RFX3: variants seen among roughly 807,000 people sequenced by gnomAD.
The protein encoded by RFX3 is transcription factor RFX3.
In RFX3, 14 loss-of-function variants were observed where a neutral mutation model predicts 98.6. The observed-to-expected ratio is 0.14, with a 90% CI of 0.09 to 0.22. RFX3 has a LOEUF of 0.22. Among genes scored for constraint, RFX3 ranks in the 10% least tolerant of loss-of-function variants. The pLI, the probability that RFX3 is intolerant of heterozygous loss-of-function variation, is 1.00. For missense variants in RFX3, 639 were observed against 926.9 expected, an observed-to-expected ratio of 0.69 and a Z score of 4.03; for synonymous variants, 383 against 328.4, an observed-to-expected ratio of 1.17 and a Z score of -1.80.
intron 3 of RFX3, among the ~76,000 whole-genome samples, chr9:3,330,776 TATAA>T (rs1346373716): frequency 6.6e-6 from 1 of 152,204 alleles, no homozygotes; most frequent in African/African-American, 2.4e-5. Flanking sequence ...ATCTCCAGCA[TATAA>T]ATAAGCTCAG....
chr9:3,311,655 C>A (rs940969573), intron 4 of RFX3, among the ~76,000 whole-genome samples: 1 of 152,182 alleles, frequency 6.6e-6, no homozygotes, highest in Non-Finnish European at 1.5e-5. Context: ...GAGGCCAAGA[C>A]AGGTGGATCA....
At chr9:3,254,330 T>A (rs547496511) in intron 14 of RFX3, among the ~76,000 whole-genome samples, 1 of 149,820 alleles carries the variant, frequency 6.7e-6, no homozygotes, top group South Asian at 2.1e-4. Flanking sequence ...ACTAATAACA[T>A]AAGAAAGCAG....
chr9:3,507,802 G>C (rs1225312713), intron 1 of RFX3, among the ~76,000 whole-genome samples: 1 of 151,840 alleles, frequency 6.6e-6, no homozygotes, highest in Non-Finnish European at 1.5e-5. Flanking sequence ...TTGTTGTGTT[G>C]TTATATATTG....
At chr9:3,482,973 C>G (rs1030422723) in intron 1 of RFX3, among the ~76,000 whole-genome samples, 1 of 152,164 alleles carries the variant, frequency 6.6e-6, no homozygotes, top group African/African-American at 2.4e-5. Context: ...CTATCCACAA[C>G]CAATCTTGCT....
chr9:3,270,733 T>C (rs767347210), intron 10 of RFX3: 37 of 667,734 alleles, frequency 5.5e-5, no homozygotes, highest in Non-Finnish European at 8.5e-5. Context: ...ACATTTGTAT[T>C]TTCTGACGGT....
At chr9:3,241,196 G>A (rs960300698) in intron 15 of RFX3, among the ~76,000 whole-genome samples, 3 of 149,754 alleles carry the variant, frequency 2.0e-5, no homozygotes, top group African/African-American at 7.4e-5. Flanking sequence ...CTAAGGAGAA[G>A]GTACACTTTT....
chr9:3,405,360 G>C (rs548976811), intron 1 of RFX3, among the ~76,000 whole-genome samples: 2 of 152,216 alleles, frequency 1.3e-5, no homozygotes, highest in East Asian at 3.9e-4. Context: ...TGTAACTCTA[G>C]TCAATAATCC....
intron 1 of RFX3, among the ~76,000 whole-genome samples, chr9:3,445,860 T>C (rs1475633994): frequency 6.6e-6 from 1 of 152,178 alleles, no homozygotes; most frequent in African/African-American, 2.4e-5. Context: ...CTTCTCTGCA[T>C]GCCCTGATTT....
chr9:3,451,328 T>C (rs1182735015), intron 1 of RFX3, among the ~76,000 whole-genome samples: 1 of 152,164 alleles, frequency 6.6e-6, no homozygotes, highest in Non-Finnish European at 1.5e-5. Flanking sequence ...GGAAGTTCAC[T>C]TGAGCCCAGG....
intron 7 of RFX3, among the ~76,000 whole-genome samples, chr9:3,284,261 T>C (rs1056480758): frequency 1.3e-5 from 2 of 151,718 alleles, no homozygotes; most frequent in Non-Finnish European, 3.0e-5. Flanking sequence ...TGTGTACTTC[T>C]TTTCATTATC....
chr9:3,444,013 G>A (rs866354792), intron 1 of RFX3, among the ~76,000 whole-genome samples: 3 of 152,128 alleles, frequency 2.0e-5, no homozygotes, highest in Non-Finnish European at 4.4e-5. Context: ...CAGTTTGGGA[G>A]TTTCTTAAAA....
chr9:3,286,907 G>C (rs1826681778), intron 7 of RFX3, among the ~76,000 whole-genome samples: 1 of 151,776 alleles, frequency 6.6e-6, no homozygotes, highest in Non-Finnish European at 1.5e-5. Flanking sequence ...ACTCCTCTAA[G>C]TTCCTACTCA....
chr9:3,426,902 C>G (rs1258506899), intron 1 of RFX3, among the ~76,000 whole-genome samples: 1 of 152,078 alleles, frequency 6.6e-6, no homozygotes, highest in East Asian at 1.9e-4. Context: ...AATCATTCCT[C>G]CACCCCCTAG....
intron 2 of RFX3, among the ~76,000 whole-genome samples, chr9:3,373,931 A>G (rs1180826418): frequency 6.6e-6 from 1 of 152,120 alleles, no homozygotes; most frequent in Non-Finnish European, 1.5e-5. Flanking sequence ...ACAAAAACTT[A>G]GCCAGGAGTG....
intron 4 of RFX3, among the ~76,000 whole-genome samples, chr9:3,322,525 A>C (rs532654447): frequency 2.6e-5 from 4 of 152,242 alleles, no homozygotes; most frequent in African/African-American, 9.6e-5. Flanking sequence ...TGAGGTCAGG[A>C]GTTCAAGACC....
intron 2 of RFX3, among the ~76,000 whole-genome samples, chr9:3,353,554 G>A (rs977820277): frequency 6.6e-6 from 1 of 151,882 alleles, no homozygotes; most frequent in African/African-American, 2.4e-5. Context: ...GAACACCTAG[G>A]GCATTCTGTA....
chr9:3,288,149 GGTT>G lies in RFX3; in HGVS notation c.830_832del (p.Gln277del), dbSNP rs1826887914. The stretch of plus-strand genomic sequence containing the variant: ...AGTCTACCTTTGTTTCTGTTGCATG[GGTT>G]GTTGTCTCATAGCCATATACTGCAT... On this transcript the variant is annotated inframe_deletion, in exon 7 of 17. Coordinates refer to ENST00000617270, the MANE Select transcript of RFX3 (RefSeq NM_001282116.2). The G allele has an allele frequency of 6.2e-7, 1 of 1,612,732 alleles. No homozygotes were observed. The highest frequency in any genetic ancestry group is 8.5e-7 in the Non-Finnish European group (1 of 1,178,976).
intron 1 of RFX3, among the ~76,000 whole-genome samples, chr9:3,474,111 C>G (rs1849012584): frequency 1.3e-5 from 2 of 152,108 alleles, no homozygotes; most frequent in African/African-American, 2.4e-5. Flanking sequence ...AACCACTGCT[C>G]TGCAAGTGTC....
chr9:3,250,021 C>T (rs1252746360), intron 14 of RFX3, among the ~76,000 whole-genome samples: 1 of 151,812 alleles, frequency 6.6e-6, no homozygotes, highest in Non-Finnish European at 1.5e-5. Context: ...ACTCTATCCA[C>T]GTCTTTCCTA....
Sources: gnomAD v4.1 joint callset for allele counts (sites outside exome capture counted in the v4.1 genomes callset) on GRCh38, gnomAD v4.1.1 for gene constraint, MANE v1.5 for transcripts, NCBI Gene and HGNC (gene_info 2026-07-23, HGNC 2026-07-21) for gene names.